ZFHX3: variants seen among roughly 807,000 people sequenced by gnomAD.
The protein encoded by ZFHX3 is zinc finger homeobox 3.
ZFHX3 carries 42 observed loss-of-function variants against 279.1 expected under a neutral mutation model. That is an observed-to-expected ratio of 0.15 (90% CI 0.12 to 0.19). ZFHX3 has a LOEUF of 0.19. Among genes scored for constraint, ZFHX3 ranks in the 10% least tolerant of loss-of-function variants. The pLI is 1.00. For synonymous variants in ZFHX3, 2,293 were observed against 1,957.8 expected, an observed-to-expected ratio of 1.17 and a Z score of -4.52; for missense variants, 4,981 against 4,754.0, an observed-to-expected ratio of 1.05 and a Z score of -1.40.
intron 4 of ZFHX3, among the ~76,000 whole-genome samples, chr16:72,876,083 A>C (rs1310417423): frequency 6.6e-6 from 1 of 152,238 alleles, no homozygotes; most frequent in African/African-American, 2.4e-5. Flanking sequence ...TTTTCTATCC[A>C]AAAACTAAGG....
rs1016763195 is a variant in ZFHX3, at chr16:72,782,990, A to G, written c.*4174T>C. ...ATTACCATCTACAATCAACTTAACT[A>G]TGACAACAAAGTTTTTGTGACAAAT... On this transcript the variant is annotated 3_prime_UTR_variant, in exon 10 of 10. Transcript: ENST00000268489. 2.6e-5 allele frequency: 4 copies of G among 152,566 alleles called. No homozygotes were observed. Among genetic ancestry groups the G allele is most frequent in the Admixed American group, 2.0e-4 (3 of 15,276 alleles). The allele number at this position is 152,566 out of a possible 1,614,324, so 9.5% of individuals were successfully genotyped here. A position where few individuals can be genotyped will look rare whatever the true frequency, so the allele number is the denominator to read the frequency against.
chr16:73,029,818 T>G lies in ZFHX3; in HGVS notation c.-50+17934A>C, dbSNP rs118020620. 9.9e-5 allele frequency among the ~76,000 whole-genome samples: 15 copies of G among 152,284 alleles called. No homozygotes were observed. The East Asian group carries it at 2.9e-3, about 29-fold the overall frequency. On this transcript the variant is annotated intron_variant, in intron 1 of 9. Coordinates refer to ENST00000268489, the MANE Select transcript of ZFHX3 (RefSeq NM_006885.4). ...CCTGGGAAGTGGCAGAGGGGAGACA[T>G]TGGCAAAAATTACAATGGACAAAAA...
intron 3 of ZFHX3, among the ~76,000 whole-genome samples, chr16:73,450,930 A>T (rs554662609): frequency 2.0e-5 from 3 of 152,204 alleles, no homozygotes; most frequent in Non-Finnish European, 4.4e-5. Context: ...GAGCTTCATG[A>T]GTATTAAATG....
chr16:73,240,517 C>T (rs1456738244), intron 5 of ZFHX3, among the ~76,000 whole-genome samples: 1 of 152,116 alleles, frequency 6.6e-6, no homozygotes, highest in Admixed American at 6.5e-5. Flanking sequence ...CTGTGCCCAG[C>T]GTTGCAGGGT....
At chr16:73,461,774 G>C (rs992146567) in intron 2 of ZFHX3, among the ~76,000 whole-genome samples, 1 of 152,238 alleles carries the variant, frequency 6.6e-6, no homozygotes, top group African/African-American at 2.4e-5. Context: ...GATTCCTATA[G>C]CTATTTAATT....
At chr16:73,708,623 T>C (rs968579274) in intron 1 of ZFHX3, among the ~76,000 whole-genome samples, 1 of 152,192 alleles carries the variant, frequency 6.6e-6, no homozygotes, top group Non-Finnish European at 1.5e-5. Context: ...ATATTTTTCC[T>C]CTACCCTCTG....
chr16:72,935,665 G>T (rs537989353), intron 3 of ZFHX3, among the ~76,000 whole-genome samples: 16 of 151,876 alleles, frequency 1.1e-4, no homozygotes, highest in Non-Finnish European at 1.9e-4. Flanking sequence ...ACTCGGGAGG[G>T]GGGGGTTGCA....
At chr16:72,964,477 CTG>C (rs1765501897) in intron 1 of ZFHX3, among the ~76,000 whole-genome samples, 2 of 152,022 alleles carry the variant, frequency 1.3e-5, no homozygotes, top group Admixed American at 1.3e-4. Context: ...ATTTTTACAA[CTG>C]TGAATTCTAG....
Position 73,342,795 on chromosome 16 carries a change from T to A in ZFHX3, c.-1290-24459A>T, listed in dbSNP as rs140955921. ...TTTGACTTTTATGATCATGCTAATG[T>A]TTTATATATGCAAAAAATCCACAGG... On this transcript the variant is annotated intron_variant, in intron 3 of 17. Coordinates refer to the ZFHX3 transcript ENST00000641206. Among the ~76,000 whole-genome samples, 213 of 152,272 alleles carry A rather than the reference T, an allele frequency of 1.4e-3. 2 individuals are homozygous for A. The highest frequency in any genetic ancestry group is 4.0e-3 in the African/African-American group (168 of 41,546).
At chr16:73,347,856 C>T (rs1038486667) in intron 3 of ZFHX3, among the ~76,000 whole-genome samples, 3 of 152,218 alleles carry the variant, frequency 2.0e-5, no homozygotes, top group African/African-American at 7.2e-5. Context: ...CACTATAAAA[C>T]TCATAAGCCT....
chr16:73,882,895 G>C (rs966654649), intron 1 of ZFHX3, among the ~76,000 whole-genome samples: 2 of 152,056 alleles, frequency 1.3e-5, no homozygotes, highest in Admixed American at 1.3e-4. Context: ...CTTTGCAAGA[G>C]GAAGCTTGTG....
intron 2 of ZFHX3, among the ~76,000 whole-genome samples, chr16:73,515,649 A>G (rs935800020): frequency 3.9e-5 from 6 of 152,204 alleles, no homozygotes; most frequent in Non-Finnish European, 7.3e-5. Flanking sequence ...CTACGGATAT[A>G]GTTTCTTTAG....
chr16:73,812,175 G>GTCTCTTTGTACC (rs1285661215), intron 1 of ZFHX3, among the ~76,000 whole-genome samples: 1 of 152,158 alleles, frequency 6.6e-6, no homozygotes, highest in Non-Finnish European at 1.5e-5. Flanking sequence ...CCAAAGGGCT[G>GTCTCTTTGTACC]TATTCTCTAG....
chr16:73,070,144 G>A (rs1965804299), intron 8 of ZFHX3, among the ~76,000 whole-genome samples: 1 of 152,096 alleles, frequency 6.6e-6, no homozygotes, highest in Non-Finnish European at 1.5e-5. Flanking sequence ...CTTCTTTTCT[G>A]TTGTGGGGTC....
intron 2 of ZFHX3, among the ~76,000 whole-genome samples, chr16:73,601,060 G>T (rs2052109498): frequency 6.6e-6 from 1 of 151,706 alleles, no homozygotes; most frequent in Non-Finnish European, 1.5e-5. Flanking sequence ...TACATTTCCA[G>T]TCTGGCTTTG....
At position 73,747,170 on chromosome 16, in the gene ZFHX3, C is replaced by T. The variant is rs1372904864; in HGVS notation, c.-1607-66930G>A. 5.3e-5 allele frequency among the ~76,000 whole-genome samples: 8 copies of T among 152,228 alleles called. No individual in the cohort carries two copies. In the East Asian group the frequency reaches 1.5e-3, roughly 29 times the overall value. On this transcript the variant is annotated intron_variant, in intron 1 of 17. Transcript: ENST00000641206. The stretch of plus-strand genomic sequence containing the variant: ...TTGGGAGGTTTAAGTAAGAGAATCA[C>T]TTGAGGCCAGGAGTTCAAGACCAGC...
rs1026002535 is a variant in ZFHX3, at chr16:73,781,063, G to A, written c.-1607-100823C>T. Among the ~76,000 whole-genome samples, 4 of 152,282 alleles carry A rather than the reference G, an allele frequency of 2.6e-5. No individual in the cohort carries two copies. In the South Asian group the frequency reaches 8.3e-4, roughly 32 times the overall value. On this transcript the variant is annotated intron_variant, in intron 1 of 17. Coordinates refer to the ZFHX3 transcript ENST00000641206. ...GTGATTATGATGAACAAAAGAGAAA[G>A]GGACCATTTGCTTGGGAAGATGAGG...
intron 1 of ZFHX3, among the ~76,000 whole-genome samples, chr16:73,735,393 A>C (rs937340053): frequency 6.6e-6 from 1 of 151,698 alleles, no homozygotes; most frequent in South Asian, 2.1e-4. Flanking sequence ...AAAAAAAAAA[A>C]AAAAAAAAAG....
intron 1 of ZFHX3, among the ~76,000 whole-genome samples, chr16:73,682,991 A>AAAAGAAAG (rs796634470): frequency 0.013 from 541 of 42,350 alleles, 82 homozygotes; most frequent in Middle Eastern, 0.05. Context: ...AGAAAGAAAG[A>AAAAGAAAG]AAAGAAAGAA....
Sources: allele counts gnomAD v4.1 joint callset (sites outside exome capture counted in the v4.1 genomes callset), GRCh38; gene constraint gnomAD v4.1.1; transcripts MANE v1.5; gene names NCBI Gene and HGNC (gene_info 2026-07-23, HGNC 2026-07-21).